The following BANK1 variants were observed in gnomAD, a reference collection of about 807,000 sequenced individuals.
The protein encoded by BANK1 is B cell scaffold protein with ankyrin repeats 1, also known as B-cell scaffold protein with ankyrin repeats.
Under a neutral mutation model 94.5 loss-of-function variants are expected in BANK1, and 95 were observed. That is an observed-to-expected ratio of 1.00 (90% CI 0.85 to 1.19). The LOEUF (loss-of-function observed/expected upper bound fraction) is 1.19. Ranked by LOEUF, BANK1 falls within the 50% of genes most tolerant of loss-of-function variation. BANK1 has a pLI of 0.00. For missense variants in BANK1, 987 were observed against 932.2 expected, an observed-to-expected ratio of 1.06 and a Z score of -0.77; for synonymous variants, 334 against 308.4, an observed-to-expected ratio of 1.08 and a Z score of -0.87.
chr4:101,947,731 C>G (rs187251718), intron 7 of BANK1, among the ~76,000 whole-genome samples: 5 of 151,978 alleles, frequency 3.3e-5, no homozygotes, highest in Non-Finnish European at 5.9e-5. Flanking sequence ...TCCCACTGAC[C>G]TTTGTTCTCC....
chr4:102,022,525 T>C (rs1726948272), intron 8 of BANK1, among the ~76,000 whole-genome samples: 1 of 152,140 alleles, frequency 6.6e-6, no homozygotes, highest in Non-Finnish European at 1.5e-5. Flanking sequence ...TGGAGGGTCA[T>C]TGTCACTTCC....
intron 7 of BANK1, among the ~76,000 whole-genome samples, chr4:101,933,782 A>G (rs1723435253): frequency 6.6e-6 from 1 of 151,482 alleles, no homozygotes; most frequent in Admixed American, 6.6e-5. Context: ...TGGTCAGGGC[A>G]GTAAACAGCT....
rs1223523503 is a variant in BANK1 at position 101,895,376 on chromosome 4, G to A, written c.975G>A (p.Gln325=). ...ATGAGATACCATATTATGAGTTCCA[G>A]TCTCTTCAAACTGAAATTTGTTCTC... ...FKHEIPYYEF[Q]SLQTEICSQN... is the part of the protein sequence containing the mutation. Residue 325 remains glutamine (Q), a synonymous_variant, in exon 6 of 17, where the codon CAG becomes CAA. Coordinates refer to ENST00000322953, the MANE Select transcript of BANK1 (RefSeq NM_017935.5). The A allele has an allele frequency of 7.5e-6, 12 of 1,594,520 alleles. No homozygotes were observed. In the Admixed American group the frequency reaches 1.9e-4, roughly 25 times the overall value.
intron 11 of BANK1, among the ~76,000 whole-genome samples, chr4:102,054,703 CAGTT>C (rs1362197934): frequency 7.9e-5 from 12 of 152,088 alleles, no homozygotes; most frequent in Admixed American, 7.9e-4. Context: ...CTCAAAGAAG[CAGTT>C]AGTCGGTTAC....
Position 101,846,248 on chromosome 4 carries a change from C to A in BANK1, c.470-8787C>A, listed in dbSNP as rs578070097. On this transcript the variant is annotated intron_variant, in intron 2 of 16. Transcript: ENST00000322953. ...TACCATGGAATACTATGCAGCCATACAAAATGATGAGTTCATGTCCTTTGT... is the reference window on the plus strand; with the variant it reads ...TACCATGGAATACTATGCAGCCATAAAAAATGATGAGTTCATGTCCTTTGT... Among the ~76,000 whole-genome samples the A allele has an allele frequency of 1.0e-3, 158 of 152,268 alleles. No individual in the cohort carries two copies. The South Asian group carries it at 0.019, about 18-fold the overall frequency.
At chr4:101,857,989 T>C (rs552950465) in intron 3 of BANK1, among the ~76,000 whole-genome samples, 133 of 152,282 alleles carry the variant, frequency 8.7e-4, no homozygotes, top group Admixed American at 8.2e-3. Context: ...GAGTTCTAGG[T>C]CTCCCAAATG....
At chr4:101,809,496 TA>T (rs1725670230) in intron 1 of BANK1, among the ~76,000 whole-genome samples, 2 of 151,716 alleles carry the variant, frequency 1.3e-5, no homozygotes, top group Admixed American at 6.6e-5. Context: ...TAAATATATA[TA>T]AAAAATAAAA....
chr4:102,070,103 G>C (rs1264240406), intron 13 of BANK1, among the ~76,000 whole-genome samples: 2 of 152,186 alleles, frequency 1.3e-5, no homozygotes, highest in Non-Finnish European at 2.9e-5. Flanking sequence ...AAAAGAGACT[G>C]AGGCAAGTTT....
chr4:101,913,602 A>T (rs886543708), intron 6 of BANK1, among the ~76,000 whole-genome samples: 1 of 152,086 alleles, frequency 6.6e-6, no homozygotes, highest in African/African-American at 2.4e-5. Flanking sequence ...ACAGCCCTAG[A>T]TAAGAAGGCA....
intron 7 of BANK1, among the ~76,000 whole-genome samples, chr4:101,987,771 C>T (rs1351037974): frequency 6.6e-6 from 1 of 152,154 alleles, no homozygotes; most frequent in African/African-American, 2.4e-5. Flanking sequence ...CATTAGACAT[C>T]TTTATCAAAA....
At chr4:101,878,467 C>T (rs1161029360) in intron 5 of BANK1, among the ~76,000 whole-genome samples, 1 of 152,116 alleles carries the variant, frequency 6.6e-6, no homozygotes, top group Non-Finnish European at 1.5e-5. Flanking sequence ...TCAAATATTA[C>T]TAGACCTAAG....
chr4:101,826,614 G>A (rs1041241030), intron 1 of BANK1, among the ~76,000 whole-genome samples: 11 of 151,752 alleles, frequency 7.2e-5, no homozygotes, highest in Admixed American at 2.0e-4. Context: ...CTGAATTATG[G>A]CATAATATTT....
At chr4:101,958,396 C>T (rs542708790) in intron 7 of BANK1, among the ~76,000 whole-genome samples, 1 of 149,386 alleles carries the variant, frequency 6.7e-6, no homozygotes, top group Non-Finnish European at 1.5e-5. Context: ...AAAACCCATG[C>T]CCTTTTTACT....
intron 9 of BANK1, among the ~76,000 whole-genome samples, chr4:102,028,493 A>G (rs145614365): frequency 1.4e-4 from 21 of 152,308 alleles, no homozygotes; most frequent in Non-Finnish European, 2.6e-4. Context: ...GAATCTTTCT[A>G]TAATATCCTT....
intron 5 of BANK1, among the ~76,000 whole-genome samples, chr4:101,892,155 T>G (rs1024238369): frequency 6.6e-6 from 1 of 151,258 alleles, no homozygotes; most frequent in Non-Finnish European, 1.5e-5. Context: ...CAGAAGTAAA[T>G]TCCATAATTC....
intron 1 of BANK1, among the ~76,000 whole-genome samples, chr4:101,826,019 A>T (rs1726352114): frequency 7.2e-5 from 11 of 152,046 alleles, no homozygotes; most frequent in Admixed American, 7.2e-4. Flanking sequence ...TTACATTAAC[A>T]TCTACTCATA....
At chr4:101,946,369 T>A (rs529694788) in intron 7 of BANK1, among the ~76,000 whole-genome samples, 2 of 152,118 alleles carry the variant, frequency 1.3e-5, no homozygotes, top group South Asian at 4.1e-4. Flanking sequence ...CTTTGAAAGA[T>A]CTGTTGTTAT....
chr4:101,798,043 A>G (rs1217596853), intron 1 of BANK1, among the ~76,000 whole-genome samples: 1 of 152,238 alleles, frequency 6.6e-6, no homozygotes, highest in Non-Finnish European at 1.5e-5. Context: ...GAAGAATTCA[A>G]AAATAGAATG....
intron 1 of BANK1, among the ~76,000 whole-genome samples, chr4:101,815,460 A>C (rs35916449): frequency 0.046 from 7,075 of 152,204 alleles, 241 homozygotes; most frequent in Non-Finnish European, 0.068. Context: ...TGAGTACTAT[A>C]ATCTACATTT....
Sources: gnomAD v4.1 joint callset for allele counts (sites outside exome capture counted in the v4.1 genomes callset) on GRCh38, gnomAD v4.1.1 for gene constraint, MANE v1.5 for transcripts, NCBI Gene and HGNC (gene_info 2026-07-23, HGNC 2026-07-21) for gene names.